GATAD2B: variants seen among roughly 807,000 people sequenced by gnomAD.
The protein encoded by GATAD2B is transcriptional repressor p66-beta.
GATAD2B carries 8 observed loss-of-function variants against 64.3 expected under a neutral mutation model. That is an observed-to-expected ratio of 0.12 (90% CI 0.07 to 0.22). The LOEUF (loss-of-function observed/expected upper bound fraction) is 0.22, where lower values mean the gene tolerates loss of function less well. GATAD2B is among the 10% of genes least tolerant of loss of function. GATAD2B has a pLI of 1.00. For missense variants in GATAD2B, 453 were observed against 752.0 expected (o/e 0.60, Z 4.65); for synonymous variants, 281 against 271.3 (o/e 1.04, Z -0.35).
chr1:153,818,662 T>C (rs1674569288), intron 4 of GATAD2B, 129 bp downstream of exon 4: 2 of 791,808 alleles, frequency 2.5e-6, no homozygotes, highest in South Asian at 3.5e-5. Context: ...AAATCACTAC[T>C]ACTACAGACT....
chr1:153,811,882 G>C, intron 9 of GATAD2B, 34 bp from the exon 10 acceptor site: 1 of 1,437,654 alleles, frequency 7.0e-7, no homozygotes, highest in Non-Finnish European at 9.8e-7. Context: ...ATACAACTTT[G>C]ATATGATAGA....
At chr1:153,814,532 G>C (rs1412876509) in intron 7 of GATAD2B, among the ~76,000 whole-genome samples, 3 of 152,186 alleles carry the variant, frequency 2.0e-5, no homozygotes, top group Non-Finnish European at 2.9e-5. Context: ...CAACACTTTG[G>C]GAGGCTGAGG....
intron 10 of GATAD2B, among the ~76,000 whole-genome samples, 162 bp from the exon 11 acceptor site, chr1:153,810,472 CTTTTT>C (rs1460791298): frequency 2.0e-5 from 3 of 152,104 alleles, no homozygotes; most frequent in Non-Finnish European, 4.4e-5. Context: ...CTTTCTTTTT[CTTTTT>C]TGAGATGCAG....
chr1:153,874,034 T>G (rs1001731618), intron 1 of GATAD2B, among the ~76,000 whole-genome samples: 1 of 151,666 alleles, frequency 6.6e-6, no homozygotes, highest in African/African-American at 2.4e-5. Context: ...CCGAGGAGGG[T>G]GGATCATGAG....
At chr1:153,894,037 G>T (rs1048543089) in intron 1 of GATAD2B, among the ~76,000 whole-genome samples, 1 of 147,422 alleles carries the variant, frequency 6.8e-6, no homozygotes, top group Non-Finnish European at 1.5e-5. Context: ...CCACCAACAT[G>T]ACTTTATCTT....
intron 1 of GATAD2B, chr1:153,914,694 GA>G (rs1435025699): frequency 4.6e-5 from 7 of 152,306 alleles, no homozygotes; most frequent in Admixed American, 4.6e-4. Context: ...AACACCTTAG[GA>G]GGCCAAGGCA....
At chr1:153,882,072 C>T (rs186669967) in intron 1 of GATAD2B, among the ~76,000 whole-genome samples, 5 of 152,112 alleles carry the variant, frequency 3.3e-5, no homozygotes, top group East Asian at 1.9e-4. Context: ...CAGTTGTAGC[C>T]GGTTTATAAC....
intron 1 of GATAD2B, among the ~76,000 whole-genome samples, chr1:153,903,052 C>T (rs1490798584): frequency 6.6e-6 from 1 of 151,964 alleles, no homozygotes; most frequent in Admixed American, 6.6e-5. Flanking sequence ...CTGATCTCTA[C>T]TAAAAATACA....
intron 1 of GATAD2B, among the ~76,000 whole-genome samples, chr1:153,882,497 C>T (rs562645751): frequency 5.9e-5 from 9 of 152,244 alleles, no homozygotes; most frequent in Admixed American, 1.3e-4. Context: ...CAGCTGAATC[C>T]GCACCTAACA....
chr1:153,894,162 G>A (rs1677509121), intron 1 of GATAD2B, among the ~76,000 whole-genome samples: 2 of 151,918 alleles, frequency 1.3e-5, no homozygotes, highest in Admixed American at 6.6e-5. Flanking sequence ...TAATGACTAG[G>A]AGAGAACATA....
intron 1 of GATAD2B, among the ~76,000 whole-genome samples, chr1:153,838,826 G>C (rs1470871106): frequency 3.3e-5 from 5 of 152,120 alleles, no homozygotes; most frequent in Non-Finnish European, 2.9e-5. Context: ...TAAGAAGGCA[G>C]AGGCTGGACA....
chr1:153,843,139 A>T (rs1355256717), intron 1 of GATAD2B, among the ~76,000 whole-genome samples: 1 of 139,452 alleles, frequency 7.2e-6, no homozygotes, highest in African/African-American at 2.7e-5. Context: ...TGTGCCTGGC[A>T]TTTTTTTTTT....
rs1454993506 is a variant in GATAD2B at position 153,818,892 on chromosome 1, T to C, written c.496A>G (p.Ile166Val). The change falls in exon 4 of 11, where the codon ATC becomes GTC. Residue 166 changes from isoleucine (I) to valine (V), a missense_variant. Transcript: ENST00000368655. The stretch of plus-strand genomic sequence containing the variant: ...CGTAGCTCATCCCTCAGCTGCTTGA[T>C]AAGCTGCTGCCGCTCCTCAATGCCT... ...GKGIEERQQL[I>V]KQLRDELRLE... 6.2e-7 allele frequency: 1 copy of C among 1,612,052 alleles called. No individual in the cohort carries two copies. The highest frequency in any genetic ancestry group is 1.7e-5 in the Admixed American group (1 of 60,004).
intron 1 of GATAD2B, among the ~76,000 whole-genome samples, chr1:153,909,971 T>C (rs959709263): frequency 6.8e-5 from 10 of 146,672 alleles, no homozygotes; most frequent in African/African-American, 1.5e-4. Context: ...AAAAATTAGC[T>C]GGGCATGGTG....
intron 1 of GATAD2B, chr1:153,852,373 A>T (rs767509254): frequency 9.5e-6 from 8 of 843,686 alleles, no homozygotes; most frequent in Admixed American, 1.7e-5. Context: ...CATCACCCTC[A>T]TATGCTTGGC....
intron 10 of GATAD2B, among the ~76,000 whole-genome samples, chr1:153,810,814 G>A (rs1218298699): frequency 1.3e-5 from 2 of 151,634 alleles, no homozygotes. Context: ...CCAGGCTGGA[G>A]GTGCAGTGGC....
chr1:153,857,415 T>A (rs1676125204), intron 1 of GATAD2B, among the ~76,000 whole-genome samples: 1 of 152,018 alleles, frequency 6.6e-6, no homozygotes, highest in African/African-American at 2.4e-5. Context: ...CACTGCACTC[T>A]AGCCTGGGCG....
At chr1:153,853,251 TCA>T in intron 1 of GATAD2B, 1 of 1,023,970 alleles carries the variant, frequency 9.8e-7, no homozygotes, top group East Asian at 2.4e-5. Flanking sequence ...GTGATGGTCT[TCA>T]CACCCTTCCC....
chr1:153,864,949 A>G (rs1676426019), intron 1 of GATAD2B, among the ~76,000 whole-genome samples: 3 of 152,270 alleles, frequency 2.0e-5, no homozygotes, highest in South Asian at 4.1e-4. Context: ...GTGTGCCTGT[A>G]GTCCCAGCTA....
Sources: gnomAD v4.1 joint callset for allele counts (sites outside exome capture counted in the v4.1 genomes callset) on GRCh38, gnomAD v4.1.1 for gene constraint, MANE v1.5 for transcripts, NCBI Gene and HGNC (gene_info 2026-07-23, HGNC 2026-07-21) for gene names.